KIF5C: variants seen among roughly 807,000 people sequenced by gnomAD.
KIF5C encodes the protein kinesin family member 5C.
In KIF5C, 18 loss-of-function variants were observed where a neutral mutation model predicts 125.2. The ratio of observed to expected loss-of-function variants is 0.14; its 90% confidence interval spans 0.10 to 0.21. The LOEUF (loss-of-function observed/expected upper bound fraction) is 0.21. Among genes scored for constraint, KIF5C ranks in the 10% least tolerant of loss-of-function variants. KIF5C has a pLI of 1.00. For synonymous variants in KIF5C, 405 were observed against 434.0 expected, an observed-to-expected ratio of 0.93 and a Z score of 0.83; for missense variants, 780 against 1,183.8, an observed-to-expected ratio of 0.66 and a Z score of 5.01.
chr2:149,015,906 T>C (rs1002720491), intron 25 of KIF5C, among the ~76,000 whole-genome samples: 3 of 152,062 alleles, frequency 2.0e-5, no homozygotes, highest in African/African-American at 7.2e-5. Flanking sequence ...TAGGGGAAGA[T>C]GGACAGAAAA....
At chr2:149,012,347 G>A (rs1682233514) in intron 25 of KIF5C, among the ~76,000 whole-genome samples, 2 of 152,262 alleles carry the variant, frequency 1.3e-5, no homozygotes, top group Admixed American at 1.3e-4. Context: ...GAGGTTACTA[G>A]TTGGGCGGGC....
intron 4 of KIF5C, among the ~76,000 whole-genome samples, chr2:148,940,278 G>A (rs778169914): frequency 3.4e-4 from 51 of 152,186 alleles, no homozygotes; most frequent in Admixed American, 1.2e-3. Context: ...AGCTGTAGGC[G>A]TGAGTCTTTC....
At chr2:148,946,649 A>G (rs1475404882) in intron 7 of KIF5C, among the ~76,000 whole-genome samples, 3 of 152,180 alleles carry the variant, frequency 2.0e-5, no homozygotes, top group African/African-American at 7.2e-5. Flanking sequence ...AGAAAATCTG[A>G]TATCTTAAAC....
At chr2:149,015,136 C>T (rs1052663337) in intron 25 of KIF5C, among the ~76,000 whole-genome samples, 6 of 151,846 alleles carry the variant, frequency 4.0e-5, no homozygotes, top group Admixed American at 2.0e-4. Flanking sequence ...TGCAGTGAGC[C>T]GAGATTGTGC....
intron 15 of KIF5C, among the ~76,000 whole-genome samples, chr2:148,989,469 A>G (rs1026139359): frequency 6.6e-6 from 1 of 152,028 alleles, no homozygotes; most frequent in Non-Finnish European, 1.5e-5. Flanking sequence ...CGTCTTTTTC[A>G]TGTAATGACA....
rs1050779769 is a variant in KIF5C at position 148,875,532 on chromosome 2, G to T, written c.-86G>T. On this transcript the variant is annotated 5_prime_UTR_variant, in exon 1 of 26. Coordinates refer to ENST00000435030, the MANE Select transcript of KIF5C (RefSeq NM_004522.3). ...GCTGCAGGAGGCGGCCTAGCTGTGGGCGGTGCAGCTCGCGGCCTCCTCCCT... is the reference window on the plus strand; with the variant it reads ...GCTGCAGGAGGCGGCCTAGCTGTGGTCGGTGCAGCTCGCGGCCTCCTCCCT... 2 of 1,147,320 alleles carry T rather than the reference G, an allele frequency of 1.7e-6. No individual in the cohort carries two copies. Among genetic ancestry groups the T allele is most frequent in the African/African-American group, 1.5e-5 (1 of 65,172 alleles). The allele number at this position is 1,147,320 out of a possible 1,614,324, so 71.1% of individuals were successfully genotyped here. A position where few individuals can be genotyped will look rare whatever the true frequency, so the allele number is the denominator to read the frequency against.
At position 148,876,795 on chromosome 2, in the gene KIF5C, C is replaced by A. The variant is rs1030800015; in HGVS notation, c.126+1052C>A. Among the ~76,000 whole-genome samples, 5 of 152,296 alleles carry A rather than the reference C, an allele frequency of 3.3e-5. No individual in the cohort carries two copies. Among genetic ancestry groups the A allele is most frequent in the East Asian group, 1.9e-4 (1 of 5,166 alleles). On this transcript the variant is annotated intron_variant, in intron 1 of 25. Coordinates refer to ENST00000435030, the MANE Select transcript of KIF5C (RefSeq NM_004522.3). This position sits in a 1 kb window ranked among gnomAD's most constrained non-coding sequence, Gnocchi z 4.7. ...TGGCTGATGGTGCCCCCTTTGTATGCGAGCCGCGTGGGGAGGGACCGAGTT... is the reference window on the plus strand; with the variant it reads ...TGGCTGATGGTGCCCCCTTTGTATGAGAGCCGCGTGGGGAGGGACCGAGTT...
At chr2:148,935,008 G>C (rs1682263157) in intron 3 of KIF5C, 1 of 348,220 alleles carries the variant, frequency 2.9e-6, no homozygotes, top group Non-Finnish European at 5.7e-6. Flanking sequence ...TACCACTCTT[G>C]GGCATCTGAG....
At chr2:148,934,619 A>G (rs146809627) in intron 3 of KIF5C, among the ~76,000 whole-genome samples, 2 of 151,312 alleles carry the variant, frequency 1.3e-5, no homozygotes, top group Non-Finnish European at 3.0e-5. Flanking sequence ...TCACACATAT[A>G]CAATACACAC....
intron 17 of KIF5C, among the ~76,000 whole-genome samples, chr2:148,995,452 A>G (rs560529087): frequency 6.6e-6 from 1 of 152,356 alleles, no homozygotes; most frequent in East Asian, 1.9e-4. Flanking sequence ...CACTTCATAA[A>G]TATTAATGAA....
chr2:148,990,932 C>T, intron 15 of KIF5C, 78 bp from the exon 16 acceptor site: 1 of 1,494,274 alleles, frequency 6.7e-7, no homozygotes, highest in Non-Finnish European at 9.0e-7. Context: ...CTTGGGGATC[C>T]AGGGGCAGGT....
At chr2:148,942,528 C>T in intron 6 of KIF5C, 145 bp from the exon 7 acceptor site, 1 of 1,373,466 alleles carries the variant, frequency 7.3e-7, no homozygotes, top group African/African-American at 1.4e-5. Flanking sequence ...AAGCCCTGGG[C>T]AAGGAGGAAA....
rs1025101246 is a variant in KIF5C at position 149,024,647 on chromosome 2, T to C, written c.*1577T>C. ...CCTAGCAAAGCAAACCTGCTTTGAC[T>C]TAATTTATTTGTTAAATGTTGCACT... On this transcript the variant is annotated 3_prime_UTR_variant, in exon 26 of 26. Transcript: ENST00000435030. 2.4e-4 allele frequency: 36 copies of C among 152,660 alleles called. No individual in the cohort carries two copies. Among genetic ancestry groups the C allele is most frequent in the African/African-American group, 7.5e-4 (31 of 41,530 alleles). The allele number at this position is 152,660 out of a possible 1,614,324, so 9.5% of individuals were successfully genotyped here. A position where few individuals can be genotyped will look rare whatever the true frequency, so the allele number is the denominator to read the frequency against.
intron 22 of KIF5C, among the ~76,000 whole-genome samples, chr2:149,006,167 G>A (rs1186463564): frequency 6.6e-6 from 1 of 152,158 alleles, no homozygotes; most frequent in African/African-American, 2.4e-5. Context: ...TAAGAAAAGT[G>A]GGTGCATATG....
chr2:148,917,169 T>C (rs1681589566), intron 1 of KIF5C, among the ~76,000 whole-genome samples: 1 of 152,224 alleles, frequency 6.6e-6, no homozygotes, highest in Non-Finnish European at 1.5e-5. Flanking sequence ...TCTTGCCTTC[T>C]TCCCATATCT....
intron 1 of KIF5C, among the ~76,000 whole-genome samples, chr2:148,920,174 C>A (rs1681726237): frequency 6.6e-6 from 1 of 152,044 alleles, no homozygotes; most frequent in African/African-American, 2.4e-5. Flanking sequence ...CTCTAAAACC[C>A]AAAGCAGGAT....
Position 149,010,433 on chromosome 2 carries a change from C to T in KIF5C, c.2767+82C>T, listed in dbSNP as rs189518061. 7.7e-5 allele frequency: 113 copies of T among 1,463,302 alleles called. 1 individual carries two copies. In the African/African-American group the frequency reaches 1.2e-3, roughly 16 times the overall value. 90.6% of individuals were successfully genotyped at this position (1,463,302 alleles called of 1,614,324 possible). A position where few individuals can be genotyped will look rare whatever the true frequency, so the allele number is the denominator to read the frequency against. ...CAGATTTGCTAAAAGGTGAAGACAG[C>T]GCTGGCCCACTCTGGAACATCTGAA... On this transcript the variant is annotated intron_variant, in intron 24 of 25. Transcript: ENST00000435030.
intron 1 of KIF5C, among the ~76,000 whole-genome samples, chr2:148,903,373 G>A (rs1199455827): frequency 2.0e-5 from 3 of 152,256 alleles, no homozygotes; most frequent in Admixed American, 6.5e-5. Context: ...TCTGTTTCCC[G>A]TGCCCTTCTC....
intron 1 of KIF5C, among the ~76,000 whole-genome samples, chr2:148,895,108 A>G (rs1267186733): frequency 3.3e-5 from 5 of 151,962 alleles, no homozygotes; most frequent in Admixed American, 2.6e-4. Context: ...CCTTCATCTC[A>G]GCTGTTATCC....
Sources: gnomAD v4.1 joint callset for allele counts (sites outside exome capture counted in the v4.1 genomes callset) on GRCh38, gnomAD v4.1.1 for gene constraint, Gnocchi (gnomAD v3.1) non-coding constraint, MANE v1.5 for transcripts, NCBI Gene and HGNC (gene_info 2026-07-23, HGNC 2026-07-21) for gene names.